LOXHD1: variants seen among roughly 807,000 people sequenced by gnomAD.
The protein encoded by LOXHD1 is lipoxygenase homology domain-containing protein 1.
Under a neutral mutation model 248.2 loss-of-function variants are expected in LOXHD1, and 205 were observed. The observed-to-expected ratio is 0.83, with a 90% confidence interval of 0.74 to 0.93. The LOEUF (loss-of-function observed/expected upper bound fraction) is 0.93. LOXHD1 is among the 40% of genes least tolerant of loss of function. The pLI is 0.00. For missense variants in LOXHD1, 2,930 were observed against 2,971.6 expected, an observed-to-expected ratio of 0.99 and a Z score of 0.33; for synonymous variants, 1,113 against 1,162.8, an observed-to-expected ratio of 0.96 and a Z score of 0.87.
rs1387738957 is a variant in LOXHD1 at position 46,629,831 on chromosome 18, AG to A, written c.511+9784del. Among the ~76,000 whole-genome samples the A allele has an allele frequency of 4.0e-5, 6 of 151,510 alleles. No individual in the cohort carries two copies. The South Asian group carries it at 6.3e-4, about 16-fold the overall frequency. On this transcript the variant is annotated intron_variant, in intron 4 of 40. Transcript: ENST00000642948. ...AAGAAAAAAAGAAAGAAAGAAAAAA[AG>A]GCAATTCATTTGCTCCAGAATGGGA...
chr18:46,600,722 A>G (rs114925039), intron 8 of LOXHD1, among the ~76,000 whole-genome samples: 5,002 of 152,260 alleles, frequency 0.033, 275 homozygotes, highest in African/African-American at 0.11. Context: ...AGGGAAAGAG[A>G]ACTATATGAC....
intron 37 of LOXHD1, among the ~76,000 whole-genome samples, chr18:46,489,739 T>G (rs2033331078): frequency 6.6e-6 from 1 of 152,242 alleles, no homozygotes; most frequent in South Asian, 2.1e-4. Context: ...GTGTTGTCAG[T>G]ATTTACATGT....
chr18:46,648,152 G>A (rs1381890175), intron 2 of LOXHD1, among the ~76,000 whole-genome samples: 3 of 152,174 alleles, frequency 2.0e-5, no homozygotes, highest in African/African-American at 4.8e-5. Context: ...CAGCTACTCC[G>A]GAGGCTGAGG....
intron 27 of LOXHD1, chr18:46,533,862 C>T (rs2036188825): frequency 5.4e-6 from 1 of 186,398 alleles, no homozygotes; most frequent in Admixed American, 5.6e-5. Flanking sequence ...GAAGGCAGAG[C>T]ACTGTTGCAC....
intron 37 of LOXHD1, among the ~76,000 whole-genome samples, chr18:46,502,569 C>A (rs2034302384): frequency 6.6e-6 from 1 of 152,100 alleles, no homozygotes; most frequent in African/African-American, 2.4e-5. Context: ...AAGGAAAGAA[C>A]CTGGATCAGC....
At position 46,507,627 on chromosome 18, in the gene LOXHD1, A is replaced by G. The variant is rs1220931280; in HGVS notation, c.5603T>C (p.Leu1868Pro). Residue 1868 changes from leucine (L) to proline (P), a missense_variant, in exon 36 of 41, where the codon CTG becomes CCG. Coordinates refer to ENST00000642948, the MANE Select transcript of LOXHD1 (RefSeq NM_001384474.1). ...WLSQRKGKKT[L>P]VCEMCAVIDE... ...GATAACGGCACACATTTCACACACC[A>G]GGGTCTTCTTGCCCTTCCGCTGGGA... 4 of 1,551,602 alleles carry G rather than the reference A, an allele frequency of 2.6e-6. No individual in the cohort carries two copies. Among genetic ancestry groups the G allele is most frequent in the Non-Finnish European group, 3.5e-6 (4 of 1,147,000 alleles).
intron 2 of LOXHD1, among the ~76,000 whole-genome samples, chr18:46,647,864 A>T (rs2144396294): frequency 6.6e-6 from 1 of 152,212 alleles, no homozygotes; most frequent in East Asian, 1.9e-4. Flanking sequence ...GAGCCCCAGG[A>T]TGTCTTAAGG....
At chr18:46,560,050 C>CGG in intron 19 of LOXHD1, 33 bp downstream of exon 19, 2 of 1,125,776 alleles carry the variant, frequency 1.8e-6, no homozygotes, top group Non-Finnish European at 2.5e-6. Flanking sequence ...CTGGCCACTC[C>CGG]CTCCCCACCC....
At chr18:46,622,814 T>C (rs552212322) in intron 4 of LOXHD1, among the ~76,000 whole-genome samples, 26 of 152,352 alleles carry the variant, frequency 1.7e-4, no homozygotes, top group Admixed American at 5.2e-4. Flanking sequence ...CGGCGTGGTC[T>C]GGGGTTTCCT....
intron 33 of LOXHD1, among the ~76,000 whole-genome samples, 184 bp from the exon 34 acceptor site, chr18:46,518,440 C>A (rs1406646116): frequency 6.6e-6 from 1 of 152,202 alleles, no homozygotes; most frequent in Non-Finnish European, 1.5e-5. Context: ...TCTTATATAC[C>A]CCACTGTGCC....
At chr18:46,538,608 T>C (rs1239529700) in intron 25 of LOXHD1, among the ~76,000 whole-genome samples, 1 of 152,144 alleles carries the variant, frequency 6.6e-6, no homozygotes, top group Non-Finnish European at 1.5e-5. Flanking sequence ...TGTAGCAGAC[T>C]GGTTGAAAGC....
rs755329131 is a variant in LOXHD1 at position 46,541,807 on chromosome 18, A to C, written c.3882T>G (p.His1294Gln). The change falls in exon 25 of 41, where the codon CAT becomes CAG. Residue 1294 changes from histidine to glutamine, a missense_variant. His to Gln is a conservative substitution (Grantham distance 24). Transcript: ENST00000642948. ...TGTACAGCCTCGTCTGAAGCTCTGC[A>C]TGGAAGAGGTCTCTGATGATGGACC... ...DDGSIIRDLF[H>Q]AELQTRLYTP... 1 of 1,551,702 alleles carries C rather than the reference A, an allele frequency of 6.4e-7. No homozygotes were observed. Among genetic ancestry groups the C allele is most frequent in the South Asian group, 1.2e-5 (1 of 84,066 alleles).
chr18:46,508,926 A>C (rs1255760886), intron 35 of LOXHD1, among the ~76,000 whole-genome samples: 1 of 151,990 alleles, frequency 6.6e-6, no homozygotes, highest in Non-Finnish European at 1.5e-5. Flanking sequence ...AGCAAGTGTT[A>C]ATGACTCTCC....
chr18:46,590,109 T>C (rs1404774041), intron 12 of LOXHD1, among the ~76,000 whole-genome samples: 1 of 152,132 alleles, frequency 6.6e-6, no homozygotes, highest in Non-Finnish European at 1.5e-5. Context: ...GGCAAATGCA[T>C]TAACACAGTG....
intron 16 of LOXHD1, among the ~76,000 whole-genome samples, chr18:46,567,728 C>A (rs2037671824): frequency 1.3e-5 from 2 of 152,218 alleles, no homozygotes; most frequent in South Asian, 4.1e-4. Flanking sequence ...CTAATAGCAA[C>A]CCCATTAGTA....
At chr18:46,509,235 C>T (rs80266486) in intron 35 of LOXHD1, among the ~76,000 whole-genome samples, 198 of 152,220 alleles carry the variant, frequency 1.3e-3, no homozygotes, top group Non-Finnish European at 2.3e-3. Context: ...AGGGTGCTGA[C>T]GGCCAAGCTC....
chr18:46,582,372 G>A (rs544015704), intron 12 of LOXHD1, among the ~76,000 whole-genome samples: 1 of 151,754 alleles, frequency 6.6e-6, no homozygotes, highest in Non-Finnish European at 1.5e-5. Context: ...AAATTAAGAT[G>A]GTAATTGTAA....
chr18:46,498,671 CA>C (rs1369732701), intron 37 of LOXHD1, among the ~76,000 whole-genome samples: 1 of 152,168 alleles, frequency 6.6e-6, no homozygotes, highest in Non-Finnish European at 1.5e-5. Context: ...AGCATCTTTC[CA>C]TGTTCTCTCA....
At chr18:46,478,191 CT>C (rs1204402679) in intron 40 of LOXHD1, among the ~76,000 whole-genome samples, 2 of 152,130 alleles carry the variant, frequency 1.3e-5, no homozygotes, top group Non-Finnish European at 2.9e-5. Context: ...TTTTTTGCCC[CT>C]CATACTCCAT....
Sources: gnomAD v4.1 joint callset for allele counts (sites outside exome capture counted in the v4.1 genomes callset) on GRCh38, gnomAD v4.1.1 for gene constraint, MANE v1.5 for transcripts, NCBI Gene and HGNC (gene_info 2026-07-23, HGNC 2026-07-21) for gene names.